The following PTPDC1 variants were observed in gnomAD, a reference collection of about 807,000 sequenced individuals.
PTPDC1 encodes the protein protein tyrosine phosphatase domain-containing protein 1.
A neutral mutation model predicts 75.3 loss-of-function variants in PTPDC1; 53 were observed. The observed-to-expected ratio is 0.70, with a 90% CI of 0.56 to 0.88. The LOEUF (loss-of-function observed/expected upper bound fraction) is 0.88, where lower values mean the gene tolerates loss of function less well. Among genes scored for constraint, PTPDC1 ranks in the 40% least tolerant of loss-of-function variants. The pLI is 0.00. For synonymous variants in PTPDC1, 349 were observed against 366.2 expected (o/e 0.95, Z 0.54); for missense variants, 925 against 998.6 (o/e 0.93, Z 0.99).
At chr9:94,042,689 T>G (rs1480323676) in intron 1 of PTPDC1, among the ~76,000 whole-genome samples, 2 of 152,166 alleles carry the variant, frequency 1.3e-5, no homozygotes, top group East Asian at 3.9e-4. Flanking sequence ...GACTGTTTCT[T>G]AAAATAACAA....
intron 1 of PTPDC1, among the ~76,000 whole-genome samples, chr9:94,051,338 T>A (rs7019701): frequency 0.025 from 3,883 of 152,324 alleles, 164 homozygotes; most frequent in African/African-American, 0.089. Flanking sequence ...CGGTTCCTAT[T>A]CAGCCATCTT....
chr9:94,060,668 C>G (rs1271883905), intron 1 of PTPDC1, among the ~76,000 whole-genome samples: 2 of 152,146 alleles, frequency 1.3e-5, no homozygotes, highest in Non-Finnish European at 2.9e-5. Flanking sequence ...GAGCAGGCAT[C>G]TTACATGACA....
At chr9:94,068,046 G>A (rs544573178) in intron 2 of PTPDC1, among the ~76,000 whole-genome samples, 1 of 152,202 alleles carries the variant, frequency 6.6e-6, no homozygotes, top group East Asian at 1.9e-4. Context: ...CTATAAATTG[G>A]TAGATAGATG....
At chr9:94,099,406 A>G (rs1827754111) in intron 6 of PTPDC1, among the ~76,000 whole-genome samples, 1 of 152,118 alleles carries the variant, frequency 6.6e-6, no homozygotes, top group Non-Finnish European at 1.5e-5. Context: ...TGAGCCCATA[A>G]CCTACTGTGA....
At chr9:94,082,431 C>T (rs1312031624), upstream of PTPDC1, among the ~76,000 whole-genome samples, 4 of 152,192 alleles carry the variant, frequency 2.6e-5, no homozygotes, top group South Asian at 2.1e-4. Flanking sequence ...GTTTTACCTG[C>T]CCACTTATAG....
chr9:94,090,023 G>T (rs1273378304), intron 4 of PTPDC1, among the ~76,000 whole-genome samples: 209 of 116,690 alleles, frequency 1.8e-3, no homozygotes, highest in African/African-American at 5.9e-3. Flanking sequence ...CTCCCATTTT[G>T]TAGGTTGCCT....
At chr9:94,106,937 G>T (rs1227212232) in intron 8 of PTPDC1, among the ~76,000 whole-genome samples, 2 of 111,978 alleles carry the variant, frequency 1.8e-5, no homozygotes, top group Non-Finnish European at 3.2e-5. Context: ...TCAAGGTGGG[G>T]TTTGTTTGTT....
In PTPDC1 at chr9:94,098,382, G is replaced by A. The variant is rs146039384; in HGVS notation, c.1816G>A (p.Gly606Ser). The change falls in exon 6 of 9, where the codon GGC becomes AGC. Residue 606 changes from glycine to serine, a missense_variant. Gly to Ser is a moderately conservative substitution (Grantham distance 56). Transcript: ENST00000620992. ...GACACCCCGAAGCCCTCTGGACTGT[G>A]GCTCCAGTCCCAAAGCACAGTTCTT... ...SRTPRSPLDC[G>S]SSPKAQFLVE... 2.4e-5 allele frequency: 39 copies of A among 1,614,042 alleles called. No homozygotes were observed. Among genetic ancestry groups the A allele is most frequent in the Admixed American group, 1.7e-4 (10 of 60,012 alleles).
chr9:94,070,418 G>C (rs1350968839), intron 2 of PTPDC1, among the ~76,000 whole-genome samples: 1 of 152,034 alleles, frequency 6.6e-6, no homozygotes. Context: ...TTTATGTATG[G>C]CTCTTTCTCT....
At chr9:94,100,380 C>G (rs1360554926) in intron 6 of PTPDC1, 1 of 152,212 alleles carries the variant, frequency 6.6e-6, no homozygotes, top group African/African-American at 2.4e-5. Flanking sequence ...TTGTCTCCTT[C>G]ATAAGATTGA....
At chr9:94,058,801 C>A (rs1826035971) in intron 1 of PTPDC1, among the ~76,000 whole-genome samples, 1 of 152,034 alleles carries the variant, frequency 6.6e-6, no homozygotes, top group African/African-American at 2.4e-5. Context: ...CCAGCCTGGC[C>A]AACATGGCAA....
rs776848083 is a variant in PTPDC1, at chr9:94,097,327, T to G, written c.761T>G (p.Leu254Ter). The G allele has an allele frequency of 1.7e-5, 27 of 1,599,890 alleles. No homozygotes were observed. The South Asian group carries it at 2.9e-4, about 17-fold the overall frequency. Reference protein sequence around the residue: ...CHAGLGRTGVLIACYLVFATR... With the variant: ...CHAGLGRTGV ...TCTCTTCTTCACTGTTTAGGTGTTTTAATAGCCTGTTACTTAGTTTTTGCA... is the reference window on the plus strand; with the variant it reads ...TCTCTTCTTCACTGTTTAGGTGTTTGAATAGCCTGTTACTTAGTTTTTGCA... The change falls in exon 6 of 9, where the codon TTA (leucine) becomes TGA (stop). Residue 254 changes from leucine (L) to a stop codon, truncating the protein, a stop_gained. Transcript: ENST00000620992. LOFTEE classifies it high-confidence loss of function.
At position 94,084,917 on chromosome 9, in the gene PTPDC1, A is replaced by T. The variant is rs1827017593; in HGVS notation, c.244+143A>T. On this transcript the variant is annotated intron_variant, in intron 1 of 8. Transcript: ENST00000620992. Reference sequence around the variant, plus strand: ...GCTGTCTGTTATGCTATTTTAGTGAATATATAAGAGGATATAAAATGATCA... The same window carrying T: ...GCTGTCTGTTATGCTATTTTAGTGATTATATAAGAGGATATAAAATGATCA... The T allele has an allele frequency of 7.9e-6, 5 of 634,716 alleles. No individual in the cohort carries two copies. The East Asian group carries it at 1.5e-4, about 18-fold the overall frequency. 39.3% of individuals were successfully genotyped at this position (634,716 alleles called of 1,614,324 possible). A position where few individuals can be genotyped will look rare whatever the true frequency, so the allele number is the denominator to read the frequency against.
chr9:94,062,517 A>G (rs1448997794), intron 1 of PTPDC1, among the ~76,000 whole-genome samples: 3 of 152,218 alleles, frequency 2.0e-5, no homozygotes, highest in African/African-American at 7.2e-5. Context: ...TTCTAAAGAA[A>G]AGAGGTCTGA....
At chr9:94,038,061 T>C in intron 1 of PTPDC1, 1 of 510,064 alleles carries the variant, frequency 2.0e-6, no homozygotes, top group Non-Finnish European at 3.7e-6. Flanking sequence ...AAGAAGATTT[T>C]TGTTCAGAAG....
At position 94,098,365 on chromosome 9, in the gene PTPDC1, G is replaced by A. The variant is rs138072087; in HGVS notation, c.1799G>A (p.Arg600Gln). The change falls in exon 6 of 9, where the codon CGA becomes CAA. Residue 600 changes from arginine (R) to glutamine (Q), a missense_variant. Physicochemically the swap from Arg to Gln is conservative, Grantham distance 43. Transcript: ENST00000620992. ...GTCAGGCAGAACAGCAGGACACCCC[G>A]AAGCCCTCTGGACTGTGGCTCCAGT... ...GSVRQNSRTPRSPLDCGSSPK... is the reference protein window; with the variant it reads ...GSVRQNSRTPQSPLDCGSSPK... 3.6e-5 allele frequency: 58 copies of A among 1,614,178 alleles called. 1 individual carries two copies. The South Asian group carries it at 4.4e-4, about 12-fold the overall frequency.
Position 94,098,125 on chromosome 9 carries a change from G to T in PTPDC1, c.1559G>T (p.Gly520Val). ...CAGTCAAAGTTTGGAGGCCTGGAAGGACTCAAAGATAATGGGTCACCAATT... is the reference window on the plus strand; with the variant it reads ...CAGTCAAAGTTTGGAGGCCTGGAAGTACTCAAAGATAATGGGTCACCAATT... ...WSQSKFGGLE[G>V]LKDNGSPIFH... The change falls in exon 6 of 9, where the codon GGA becomes GTA. Residue 520 changes from glycine to valine, a missense_variant. Physicochemically the swap from Gly to Val is moderately radical, Grantham distance 109. Transcript: ENST00000620992. The T allele has an allele frequency of 6.2e-7, 1 of 1,614,182 alleles. No individual in the cohort carries two copies. Among genetic ancestry groups the T allele is most frequent in the South Asian group, 1.1e-5 (1 of 91,060 alleles).
intron 1 of PTPDC1, chr9:94,038,464 G>T: frequency 6.8e-6 from 2 of 294,326 alleles, no homozygotes; most frequent in East Asian, 7.9e-5. Context: ...TATTTTATTG[G>T]GCCGTCCTGA....
chr9:94,058,270 G>A (rs1230811226), intron 1 of PTPDC1, among the ~76,000 whole-genome samples: 3 of 152,064 alleles, frequency 2.0e-5, no homozygotes, highest in Non-Finnish European at 4.4e-5. Flanking sequence ...GTACCGATCT[G>A]CACAAACTTC....
Sources: allele counts gnomAD v4.1 joint callset (sites outside exome capture counted in the v4.1 genomes callset), GRCh38; gene constraint gnomAD v4.1.1; transcripts MANE v1.5; gene names NCBI Gene and HGNC (gene_info 2026-07-23, HGNC 2026-07-21).